ROCK1: variants seen among roughly 807,000 people sequenced by gnomAD.
ROCK1 encodes the protein Rho associated coiled-coil containing protein kinase 1.
In ROCK1, 36 loss-of-function variants were observed where a neutral mutation model predicts 196.8. The ratio of observed to expected loss-of-function variants is 0.18; its 90% CI spans 0.14 to 0.24. ROCK1 has a LOEUF of 0.24. ROCK1 is among the 10% of genes least tolerant of loss of function. ROCK1 has a pLI of 1.00. For missense variants in ROCK1, 920 were observed against 1,562.0 expected, an observed-to-expected ratio of 0.59 and a Z score of 6.93; for synonymous variants, 443 against 515.9, an observed-to-expected ratio of 0.86 and a Z score of 1.91.
intron 13 of ROCK1, among the ~76,000 whole-genome samples, chr18:21,014,267 A>C (rs527511414): frequency 6.6e-6 from 1 of 152,198 alleles, no homozygotes; most frequent in Admixed American, 6.5e-5. Context: ...CCCGTCTAGG[A>C]TACATGCAGC....
intron 19 of ROCK1, among the ~76,000 whole-genome samples, chr18:20,985,099 CAA>C (rs1205721258): frequency 1.7e-5 from 2 of 120,252 alleles, no homozygotes. Context: ...ACTCTGTCTC[CAA>C]AAAAAAAAAA....
chr18:21,028,479 C>T (rs1045182848), intron 10 of ROCK1, among the ~76,000 whole-genome samples: 2 of 151,980 alleles, frequency 1.3e-5, no homozygotes, highest in South Asian at 2.1e-4. Context: ...GTATTATAAA[C>T]CATAAGTCTA....
At chr18:21,086,927 A>G (rs907292156) in intron 1 of ROCK1, among the ~76,000 whole-genome samples, 23 of 152,214 alleles carry the variant, frequency 1.5e-4, no homozygotes, top group African/African-American at 5.5e-4. Context: ...AAATGTAAAA[A>G]TATGGGAAAA....
chr18:20,970,654 A>C (rs1321211280), intron 22 of ROCK1, 141 bp from the exon 23 acceptor site: 8 of 598,600 alleles, frequency 1.3e-5, no homozygotes, highest in Non-Finnish European at 2.2e-5. Context: ...ATCCATTGCA[A>C]ACTTTCTATA....
At chr18:21,109,734 C>A (rs576861986) in intron 1 of ROCK1, among the ~76,000 whole-genome samples, 1 of 152,278 alleles carries the variant, frequency 6.6e-6, no homozygotes, top group East Asian at 1.9e-4. Flanking sequence ...TTTAGAGTAA[C>A]TGAAATGCAC....
chr18:21,041,032 A>T (rs1420307756), intron 8 of ROCK1, among the ~76,000 whole-genome samples: 2 of 151,954 alleles, frequency 1.3e-5, no homozygotes, highest in Non-Finnish European at 2.9e-5. Flanking sequence ...GAGGCAGGAG[A>T]ATCACTTGAA....
intron 22 of ROCK1, 103 bp downstream of exon 22, chr18:20,979,807 C>CT (rs2035514070): frequency 7.4e-7 from 1 of 1,345,374 alleles, no homozygotes; most frequent in African/African-American, 1.5e-5. Flanking sequence ...AAACTGTGTT[C>CT]TATACCATTC....
chr18:21,089,041 T>A (rs888810998), intron 1 of ROCK1, among the ~76,000 whole-genome samples: 6 of 152,132 alleles, frequency 3.9e-5, no homozygotes, highest in African/African-American at 1.4e-4. Flanking sequence ...AAATAACATA[T>A]TTTATTAAAA....
chr18:20,998,534 T>G (rs140985139), intron 16 of ROCK1, among the ~76,000 whole-genome samples: 1 of 145,272 alleles, frequency 6.9e-6, no homozygotes, highest in African/African-American at 2.5e-5. Flanking sequence ...TAAGCTGTAA[T>G]AAAAAGTCTT....
At chr18:21,005,664 C>T (rs2143435655) in intron 16 of ROCK1, among the ~76,000 whole-genome samples, 2 of 152,224 alleles carry the variant, frequency 1.3e-5, no homozygotes, top group Middle Eastern at 3.4e-3. Flanking sequence ...ATCGCTTGAG[C>T]TCAGGAGTTT....
chr18:21,008,463 G>A (rs1330975222), intron 13 of ROCK1, among the ~76,000 whole-genome samples: 1 of 152,160 alleles, frequency 6.6e-6, no homozygotes, highest in Non-Finnish European at 1.5e-5. Context: ...TGGTAGAGAC[G>A]GCTTTTGCCA....
At chr18:21,033,965 C>T (rs1170448394) in intron 9 of ROCK1, among the ~76,000 whole-genome samples, 1 of 135,342 alleles carries the variant, frequency 7.4e-6, no homozygotes, top group African/African-American at 2.8e-5. Context: ...ACCCTGGAGG[C>T]GGAGCTTGCC....
intron 1 of ROCK1, among the ~76,000 whole-genome samples, chr18:21,080,795 A>G (rs1185557812): frequency 6.6e-6 from 1 of 152,194 alleles, no homozygotes; most frequent in Non-Finnish European, 1.5e-5. Flanking sequence ...CACCAAAAAT[A>G]TATTATCATA....
chr18:20,979,570 C>T (rs1433285252), intron 22 of ROCK1, among the ~76,000 whole-genome samples: 3 of 151,440 alleles, frequency 2.0e-5, no homozygotes, highest in African/African-American at 7.3e-5. Context: ...TGCAGTGAGC[C>T]GAGATCATGC....
intron 1 of ROCK1, among the ~76,000 whole-genome samples, chr18:21,105,396 T>C (rs2036694828): frequency 6.6e-6 from 1 of 152,172 alleles, no homozygotes; most frequent in Non-Finnish European, 1.5e-5. Context: ...TTGATACTAA[T>C]AACACCTATT....
intron 1 of ROCK1, among the ~76,000 whole-genome samples, chr18:21,095,258 C>T (rs553897970): frequency 5.3e-5 from 8 of 151,344 alleles, no homozygotes; most frequent in Non-Finnish European, 1.0e-4. Flanking sequence ...ACAATGTTAA[C>T]GGGAATGTAA....
intron 12 of ROCK1, among the ~76,000 whole-genome samples, chr18:21,019,266 G>T (rs996965714): frequency 1.3e-5 from 2 of 152,048 alleles, no homozygotes; most frequent in Non-Finnish European, 2.9e-5. Context: ...CAATTCTCAT[G>T]CCTCAGCCTC....
intron 19 of ROCK1, among the ~76,000 whole-genome samples, chr18:20,985,095 T>G (rs2035566561): frequency 6.6e-6 from 1 of 150,510 alleles, no homozygotes; most frequent in African/African-American, 2.4e-5. Context: ...TGAGACTCTG[T>G]CTCCAAAAAA....
intron 18 of ROCK1, among the ~76,000 whole-genome samples, chr18:20,989,150 GTGAGAA>G (rs1296432684): frequency 6.6e-6 from 1 of 152,200 alleles, no homozygotes; most frequent in Non-Finnish European, 1.5e-5. Context: ...TCTAACCTAA[GTGAGAA>G]TGACTGATGA....
Sources: gnomAD v4.1 joint callset for allele counts (sites outside exome capture counted in the v4.1 genomes callset) on GRCh38, gnomAD v4.1.1 for gene constraint, MANE v1.5 for transcripts, NCBI Gene and HGNC (gene_info 2026-07-23, HGNC 2026-07-21) for gene names.